CYRIA: variants seen among roughly 807,000 people sequenced by gnomAD.
CYRIA encodes CYFIP-related Rac1 interactor A.
Under a neutral mutation model 43.9 loss-of-function variants are expected in CYRIA, and 15 were observed. The observed-to-expected ratio is 0.34, with a 90% CI of 0.23 to 0.53. The LOEUF (loss-of-function observed/expected upper bound fraction) is 0.53, where lower values mean the gene tolerates loss of function less well. Among genes scored for constraint, CYRIA ranks in the 20% least tolerant of loss-of-function variants. The pLI, the probability that CYRIA is intolerant of heterozygous loss-of-function variation, is 0.94. For missense variants in CYRIA, 236 were observed against 394.2 expected, an observed-to-expected ratio of 0.60 and a Z score of 3.40; for synonymous variants, 117 against 136.0, an observed-to-expected ratio of 0.86 and a Z score of 0.97.
At chr2:16,576,833 TA>T (rs574269535) in intron 3 of CYRIA, among the ~76,000 whole-genome samples, 1,949 of 152,186 alleles carry the variant, frequency 0.013, 20 homozygotes, top group Non-Finnish European at 0.019. Context: ...TATTCAGTCT[TA>T]AAAAAAGAAG....
chr2:16,593,698 G>GT (rs201907701), intron 2 of CYRIA, among the ~76,000 whole-genome samples: 27 of 81,990 alleles, frequency 3.3e-4, no homozygotes, highest in African/African-American at 5.6e-4. Context: ...GTGTGTGTGT[G>GT]TTTTTTTTTG....
At chr2:16,614,144 T>G (rs1447001047) in intron 2 of CYRIA, among the ~76,000 whole-genome samples, 3 of 152,232 alleles carry the variant, frequency 2.0e-5, no homozygotes, top group African/African-American at 7.2e-5. Context: ...AATTATATTT[T>G]GAGTCAGAAA....
At chr2:16,607,381 G>A (rs1296040524) in intron 2 of CYRIA, among the ~76,000 whole-genome samples, 6 of 152,140 alleles carry the variant, frequency 3.9e-5, no homozygotes, top group Non-Finnish European at 7.4e-5. Context: ...AGTTAGCTGA[G>A]TCGACGAAGT....
At chr2:16,617,517 C>T (rs1668844207) in intron 2 of CYRIA, among the ~76,000 whole-genome samples, 1 of 152,212 alleles carries the variant, frequency 6.6e-6, no homozygotes, top group African/African-American at 2.4e-5. Context: ...GAACTGAAAC[C>T]AAGGAACTGA....
intron 3 of CYRIA, among the ~76,000 whole-genome samples, chr2:16,574,466 A>C (rs184742790): frequency 6.6e-6 from 1 of 152,370 alleles, no homozygotes; most frequent in African/African-American, 2.4e-5. Context: ...TTGCCAAGAC[A>C]ACAATGGGGA....
At chr2:16,557,381 C>T (rs1347116386) in intron 10 of CYRIA, among the ~76,000 whole-genome samples, 1 of 151,906 alleles carries the variant, frequency 6.6e-6, no homozygotes, top group Non-Finnish European at 1.5e-5. Flanking sequence ...CCAAAGCATG[C>T]CCTTTGTAAG....
chr2:16,663,497 T>C (rs556136950), intron 1 of CYRIA, among the ~76,000 whole-genome samples: 1 of 151,786 alleles, frequency 6.6e-6, no homozygotes. Flanking sequence ...AGGAACAGCC[T>C]CACTGGAGAG....
chr2:16,592,060 A>G, intron 2 of CYRIA, among the ~76,000 whole-genome samples: 1 of 152,124 alleles, frequency 6.6e-6, no homozygotes, highest in Non-Finnish European at 1.5e-5. Context: ...ACAAGGACAG[A>G]GAGTACAGGT....
intron 1 of CYRIA, among the ~76,000 whole-genome samples, chr2:16,646,142 G>A (rs1467530122): frequency 2.0e-5 from 3 of 152,148 alleles, no homozygotes; most frequent in East Asian, 3.9e-4. Flanking sequence ...CCTATAAGAT[G>A]GATGGCTTGA....
chr2:16,599,621 G>A (rs1164157689), intron 2 of CYRIA, among the ~76,000 whole-genome samples: 2 of 143,406 alleles, frequency 1.4e-5, no homozygotes, highest in Admixed American at 7.0e-5. Context: ...ACTGGCCTGC[G>A]CCCACTGTCT....
chr2:16,617,333 C>A (rs977634917), intron 2 of CYRIA, among the ~76,000 whole-genome samples: 1 of 152,218 alleles, frequency 6.6e-6, no homozygotes, highest in African/African-American at 2.4e-5. Context: ...CCGGACTCTG[C>A]CTACTACCGG....
chr2:16,565,856 A>G, intron 3 of CYRIA, 89 bp from the exon 4 acceptor site: 3 of 1,236,892 alleles, frequency 2.4e-6, no homozygotes, highest in Non-Finnish European at 3.2e-6. Flanking sequence ...CTGCTTGACA[A>G]TCCTATCATA....
At chr2:16,578,695 C>A (rs1168805917) in intron 3 of CYRIA, among the ~76,000 whole-genome samples, 1 of 151,814 alleles carries the variant, frequency 6.6e-6, no homozygotes, top group Non-Finnish European at 1.5e-5. Flanking sequence ...AACTTGAAGA[C>A]AGACCAATAA....
At chr2:16,663,958 G>A (rs189849548) in intron 1 of CYRIA, among the ~76,000 whole-genome samples, 2 of 152,266 alleles carry the variant, frequency 1.3e-5, no homozygotes, top group Non-Finnish European at 2.9e-5. Context: ...CCAAAACTGA[G>A]GGCTGACTGT....
rs1379630405 is a variant in CYRIA, at chr2:16,650,097, AACCTGCAGCCCCTGAC to A, written c.-167+15667_-167+15682del. Among the ~76,000 whole-genome samples, 2 of 152,210 alleles carry A rather than the reference AACCTGCAGCCCCTGAC, an allele frequency of 1.3e-5. No individual in the cohort carries two copies. The highest frequency in any genetic ancestry group is 1.5e-5 in the Non-Finnish European group (1 of 68,036). On this transcript the variant is annotated intron_variant, in intron 1 of 11. Transcript: ENST00000381323. The surrounding 1 kb of genome is among the most constrained non-coding windows in gnomAD (Gnocchi z 4.1). Reference sequence around the variant, plus strand: ...AATGTACACCAGTGCCACAGAAGCCAACCTGCAGCCCCTGACACGTGGCACAGCAAGACAGTCGTCG... The same window carrying A: ...AATGTACACCAGTGCCACAGAAGCCAACGTGGCACAGCAAGACAGTCGTCG...
intron 2 of CYRIA, among the ~76,000 whole-genome samples, chr2:16,593,779 G>T (rs1314238452): frequency 7.4e-6 from 1 of 135,632 alleles, no homozygotes; most frequent in East Asian, 2.1e-4. Context: ...ACATTGTGCA[G>T]GTTAGTTACA....
At chr2:16,629,574 T>C (rs1039117916) in intron 1 of CYRIA, among the ~76,000 whole-genome samples, 3 of 152,158 alleles carry the variant, frequency 2.0e-5, no homozygotes, top group African/African-American at 7.2e-5. Flanking sequence ...GGCCAGGGAT[T>C]TTCAGAGGCC....
intron 2 of CYRIA, among the ~76,000 whole-genome samples, chr2:16,617,303 T>C (rs1288392423): frequency 6.6e-6 from 1 of 152,214 alleles, no homozygotes; most frequent in Non-Finnish European, 1.5e-5. Flanking sequence ...CCTCTGCCAG[T>C]GTGCACCTGG....
rs903066542 is a variant in CYRIA at position 16,648,830 on chromosome 2, C to T, written c.-167+16950G>A. Reference sequence around the variant, plus strand: ...ACACAAAATTTCCTCCATCATAGACCACTACATTCTAGTGTGATATTTCCC... The same window carrying T: ...ACACAAAATTTCCTCCATCATAGACTACTACATTCTAGTGTGATATTTCCC... On this transcript the variant is annotated intron_variant, in intron 1 of 11. Coordinates refer to ENST00000381323, the MANE Select transcript of CYRIA (RefSeq NM_030797.4). Among the ~76,000 whole-genome samples the T allele has an allele frequency of 2.4e-4, 36 of 152,066 alleles. 1 individual carries two copies. The highest frequency in any genetic ancestry group is 4.4e-5 in the Non-Finnish European group (3 of 68,018).
Sources: gnomAD v4.1 joint callset for allele counts (sites outside exome capture counted in the v4.1 genomes callset) on GRCh38, gnomAD v4.1.1 for gene constraint, Gnocchi (gnomAD v3.1) non-coding constraint, MANE v1.5 for transcripts, NCBI Gene and HGNC (gene_info 2026-07-23, HGNC 2026-07-21) for gene names.